ISOC1: variants seen among roughly 807,000 people sequenced by gnomAD.
The protein encoded by ISOC1 is isochorismatase domain-containing protein 1.
In ISOC1, 33 loss-of-function variants were observed where a neutral mutation model predicts 30.0. The ratio of observed to expected loss-of-function variants is 1.10; its 90% CI spans 0.83 to 1.47. ISOC1 has a LOEUF of 1.47. ISOC1 is among the 40% of genes most tolerant of loss of function. The pLI, the probability that ISOC1 is intolerant of heterozygous loss-of-function variation, is 0.00. For synonymous variants in ISOC1, 178 were observed against 159.8 expected, an observed-to-expected ratio of 1.11 and a Z score of -0.86; for missense variants, 372 against 388.0, an observed-to-expected ratio of 0.96 and a Z score of 0.35.
Position 129,113,706 on chromosome 5 carries a change from C to T in ISOC1, c.*705C>T, listed in dbSNP as rs1029366667. ...TATTATTGGTGGAGGGCTGTTTTAA[C>T]ATCTTTGAAGTATGGCTTGCTGAAT... On this transcript the variant is annotated 3_prime_UTR_variant, in exon 5 of 5. Transcript: ENST00000173527. 6.6e-6 allele frequency: 1 copy of T among 152,192 alleles called. No homozygotes were observed. Among genetic ancestry groups the T allele is most frequent in the African/African-American group, 2.4e-5 (1 of 41,446 alleles). 9.4% of individuals were successfully genotyped at this position (152,192 alleles called of 1,614,324 possible). A position where few individuals can be genotyped will look rare whatever the true frequency, so the allele number is the denominator to read the frequency against.
At chr5:129,104,638 G>A (rs1293864212) in intron 1 of ISOC1, among the ~76,000 whole-genome samples, 1 of 151,964 alleles carries the variant, frequency 6.6e-6, no homozygotes, top group Non-Finnish European at 1.5e-5. Context: ...TGGATGGTAT[G>A]AATTCTTTGA....
intron 1 of ISOC1, among the ~76,000 whole-genome samples, chr5:129,095,969 A>G (rs1753495424): frequency 6.6e-6 from 1 of 152,238 alleles, no homozygotes; most frequent in African/African-American, 2.4e-5. Flanking sequence ...TTAGCTGAGA[A>G]ACTGATAAGT....
chr5:129,106,243 T>C (rs998472649), intron 3 of ISOC1, among the ~76,000 whole-genome samples: 1 of 152,228 alleles, frequency 6.6e-6, no homozygotes, highest in Non-Finnish European at 1.5e-5. Flanking sequence ...TGTCATTTGA[T>C]AATTCTCCAA....
At chr5:129,112,817 T>G in intron 4 of ISOC1, 38 bp from the exon 5 acceptor site, 1 of 1,602,690 alleles carries the variant, frequency 6.2e-7, no homozygotes, top group Non-Finnish European at 8.5e-7. Context: ...TTCATTCTCA[T>G]GCTTATTTCT....
At chr5:129,105,130 T>C (rs1753619767) in intron 2 of ISOC1, 55 bp downstream of exon 2, 1 of 1,613,186 alleles carries the variant, frequency 6.2e-7, no homozygotes, top group Non-Finnish European at 8.5e-7. Flanking sequence ...TACACTCATA[T>C]ATACACATAT....
At chr5:129,101,192 A>AAAAATATAT (rs1554064627) in intron 1 of ISOC1, among the ~76,000 whole-genome samples, 18 of 42,208 alleles carry the variant, frequency 4.3e-4, no homozygotes, top group African/African-American at 5.5e-4. Context: ...AAAAAAAAAA[A>AAAAATATAT]ATATATATAT....
chr5:129,102,130 A>G (rs1475265057), intron 1 of ISOC1, among the ~76,000 whole-genome samples: 2 of 152,200 alleles, frequency 1.3e-5, no homozygotes, highest in Non-Finnish European at 2.9e-5. Context: ...CATAAGAAGC[A>G]GAGTACTAAG....
At chr5:129,104,692 C>T (rs1224296447) in intron 1 of ISOC1, among the ~76,000 whole-genome samples, 2 of 151,842 alleles carry the variant, frequency 1.3e-5, no homozygotes, top group East Asian at 3.9e-4. Context: ...AATGTTTTGT[C>T]ATGTGAATGT....
intron 4 of ISOC1, among the ~76,000 whole-genome samples, chr5:129,109,590 G>A (rs1361412135): frequency 6.6e-6 from 1 of 152,166 alleles, no homozygotes; most frequent in Non-Finnish European, 1.5e-5. Context: ...AGGGCCTGGA[G>A]CACCAACATT....
chr5:129,109,653 A>G lies in ISOC1; in HGVS notation c.750+2591A>G, dbSNP rs564238647. Among the ~76,000 whole-genome samples, 6 of 152,316 alleles carry G rather than the reference A, an allele frequency of 3.9e-5. No homozygotes were observed. The South Asian group carries it at 1.2e-3, about 32-fold the overall frequency. On this transcript the variant is annotated intron_variant, in intron 4 of 4. Transcript: ENST00000173527. ...AGGGAAAACCGATCATAGATAAGTC[A>G]GGTGGTGATTGATAGGGAACACCTG...
intron 1 of ISOC1, among the ~76,000 whole-genome samples, chr5:129,101,057 G>A (rs1386537235): frequency 7.0e-6 from 1 of 142,520 alleles, no homozygotes; most frequent in African/African-American, 2.7e-5. Flanking sequence ...GTGAGACAGG[G>A]TCTTGCTCTG....
intron 4 of ISOC1, among the ~76,000 whole-genome samples, chr5:129,112,531 A>G (rs1226660740): frequency 1.3e-5 from 2 of 151,928 alleles, no homozygotes; most frequent in Non-Finnish European, 2.9e-5. Context: ...AGTAACAACC[A>G]TTCCTTTTCT....
intron 1 of ISOC1, among the ~76,000 whole-genome samples, chr5:129,099,091 T>C (rs1472620533): frequency 1.3e-5 from 2 of 152,144 alleles, no homozygotes; most frequent in Non-Finnish European, 2.9e-5. Context: ...TAAAAAAAAA[T>C]TAACATTCCA....
At chr5:129,110,000 A>G (rs1477483419) in intron 4 of ISOC1, among the ~76,000 whole-genome samples, 1 of 152,212 alleles carries the variant, frequency 6.6e-6, no homozygotes, top group Non-Finnish European at 1.5e-5. Flanking sequence ...CATCTGAAAG[A>G]CATTACTCCT....
In ISOC1 at chr5:129,105,264, A is replaced by G. The variant is rs1561422666; in HGVS notation, c.509A>G (p.Glu170Gly). The part of the protein sequence containing the change: ...YPKGLGSTVQ[E>G]IDLTGVKLVL... The stretch of plus-strand genomic sequence containing the variant: ...AAAGGTCTTGGGAGCACGGTTCAAG[A>G]AATTGATTTAACAGGTGTAAAACTG... Residue 170 changes from glutamate to glycine, a missense_variant, in exon 3 of 5, where the codon GAA (glutamate) becomes GGA (glycine). Coordinates refer to ENST00000173527, the MANE Select transcript of ISOC1 (RefSeq NM_016048.2). The G allele has an allele frequency of 6.2e-7, 1 of 1,613,938 alleles. No homozygotes were observed. Among genetic ancestry groups the G allele is most frequent in the Non-Finnish European group, 8.5e-7 (1 of 1,179,880 alleles).
chr5:129,095,958 T>C (rs533241282), intron 1 of ISOC1, among the ~76,000 whole-genome samples: 2 of 152,240 alleles, frequency 1.3e-5, no homozygotes, highest in Non-Finnish European at 2.9e-5. Context: ...ATATCATTTC[T>C]TTAGCTGAGA....
Position 129,113,858 on chromosome 5 carries a change from A to G in ISOC1, c.*857A>G, listed in dbSNP as rs1174021408. ...TATATTTTCTTCACCTACTCTCCAA[A>G]TATTGTAATGCAAAAAGTCTCAGTA... On this transcript the variant is annotated 3_prime_UTR_variant, in exon 5 of 5. Transcript: ENST00000173527. The G allele has an allele frequency of 1.3e-5, 2 of 152,200 alleles. No individual in the cohort carries two copies. Among genetic ancestry groups the G allele is most frequent in the Non-Finnish European group, 2.9e-5 (2 of 68,028 alleles). The allele number at this position is 152,200 out of a possible 1,614,324, so 9.4% of individuals were successfully genotyped here. A position where few individuals can be genotyped will look rare whatever the true frequency, so the allele number is the denominator to read the frequency against.
At position 129,113,181 on chromosome 5, in the gene ISOC1, AC is replaced by A; in HGVS notation, c.*181del. 4.0e-6 allele frequency: 2 copies of A among 497,224 alleles called. No homozygotes were observed. Among genetic ancestry groups the A allele is most frequent in the Non-Finnish European group, 7.0e-6 (2 of 286,230 alleles). The allele number at this position is 497,224 out of a possible 1,614,324, so 30.8% of individuals were successfully genotyped here. On this transcript the variant is annotated 3_prime_UTR_variant, in exon 5 of 5. Coordinates refer to ENST00000173527, the MANE Select transcript of ISOC1 (RefSeq NM_016048.2). ...ACCATTTGAGTACCAGCATTTAGTT[AC>A]AAACGTCAAAGGCTTCCGGTGCTGC...
Position 129,113,118 on chromosome 5 carries a change from T to A in ISOC1, c.*117T>A. 1 of 966,152 alleles carries A rather than the reference T, an allele frequency of 1.0e-6. No homozygotes were observed. Among genetic ancestry groups the A allele is most frequent in the South Asian group, 2.3e-5 (1 of 43,124 alleles). The allele number at this position is 966,152 out of a possible 1,614,324, so 59.8% of individuals were successfully genotyped here. Reference sequence around the variant, plus strand: ...ATTAAAATGTTAAGTCAAAAACGGCTCCTTTTTTGCGCCTCCTAGTGAAAC... The same window carrying A: ...ATTAAAATGTTAAGTCAAAAACGGCACCTTTTTTGCGCCTCCTAGTGAAAC... On this transcript the variant is annotated 3_prime_UTR_variant, in exon 5 of 5. Transcript: ENST00000173527.
Sources: gnomAD v4.1 joint callset for allele counts (sites outside exome capture counted in the v4.1 genomes callset) on GRCh38, gnomAD v4.1.1 for gene constraint, MANE v1.5 for transcripts, NCBI Gene and HGNC (gene_info 2026-07-23, HGNC 2026-07-21) for gene names.